The following RAPGEF2 variants were observed in gnomAD, a reference collection of about 807,000 sequenced individuals.
RAPGEF2 encodes the protein PDZ domain containing guanine nucleotide exchange factor (GEF) 1.
A neutral mutation model predicts 186.7 loss-of-function variants in RAPGEF2; 54 were observed. That is an observed-to-expected ratio of 0.29 (90% CI 0.23 to 0.36). The LOEUF (loss-of-function observed/expected upper bound fraction) is 0.36, where lower values mean the gene tolerates loss of function less well. RAPGEF2 is among the 10% of genes least tolerant of loss of function. RAPGEF2 has a pLI of 1.00. For missense variants in RAPGEF2, 1,532 were observed against 2,045.0 expected, an observed-to-expected ratio of 0.75 and a Z score of 4.84; for synonymous variants, 712 against 705.9, an observed-to-expected ratio of 1.01 and a Z score of -0.14.
At chr4:159,215,646 G>C (rs1007529140) in intron 4 of RAPGEF2, among the ~76,000 whole-genome samples, 5 of 152,324 alleles carry the variant, frequency 3.3e-5, no homozygotes, top group South Asian at 2.1e-4. Context: ...AAATAGTCAT[G>C]TGTACCATAT....
At chr4:159,250,589 G>A (rs1026938179) in intron 7 of RAPGEF2, among the ~76,000 whole-genome samples, 1 of 151,670 alleles carries the variant, frequency 6.6e-6, no homozygotes, top group Middle Eastern at 3.2e-3. Flanking sequence ...CAATGCAGAA[G>A]ACATTTGAGG....
intron 1 of RAPGEF2, among the ~76,000 whole-genome samples, chr4:159,131,540 T>TTTTTTTTTTC: frequency 6.7e-6 from 1 of 149,212 alleles, no homozygotes; most frequent in Non-Finnish European, 1.5e-5. Context: ...TTTTTTTTTT[T>TTTTTTTTTTC]TTTTTTAGCT....
intron 1 of RAPGEF2, among the ~76,000 whole-genome samples, chr4:159,139,134 T>C (rs1349696382): frequency 6.6e-6 from 1 of 152,178 alleles, no homozygotes; most frequent in Non-Finnish European, 1.5e-5. Context: ...ACACCTACCG[T>C]GTGTGTATGG....
intron 17 of RAPGEF2, among the ~76,000 whole-genome samples, chr4:159,333,876 CTTCTTT>C (rs927007808): frequency 2.6e-5 from 4 of 152,182 alleles, no homozygotes; most frequent in Non-Finnish European, 4.4e-5. Flanking sequence ...ATATCAAACA[CTTCTTT>C]TTCTTTTTTA....
chr4:159,261,197 G>A (rs1354838517), intron 7 of RAPGEF2, among the ~76,000 whole-genome samples: 4 of 152,014 alleles, frequency 2.6e-5, no homozygotes, highest in Non-Finnish European at 5.9e-5. Flanking sequence ...AAATAGCTGG[G>A]ACTACAGGCA....
chr4:159,351,054 G>T, intron 26 of RAPGEF2: 1 of 1,530,588 alleles, frequency 6.5e-7, no homozygotes, highest in Middle Eastern at 1.7e-4. Flanking sequence ...TCATCCTGTT[G>T]TTAGGTGGCA....
intron 7 of RAPGEF2, among the ~76,000 whole-genome samples, chr4:159,272,101 C>G (rs1175672586): frequency 6.6e-6 from 1 of 152,150 alleles, no homozygotes; most frequent in Admixed American, 6.5e-5. Flanking sequence ...AGTCCTGAAC[C>G]TTGCCATTTT....
chr4:159,108,466 C>T (rs867076189), intron 1 of RAPGEF2, among the ~76,000 whole-genome samples: 32 of 142,142 alleles, frequency 2.3e-4, no homozygotes, highest in African/African-American at 8.3e-4. Flanking sequence ...AAAAACAAAA[C>T]TAGTTATAAC....
At chr4:159,116,280 A>G (rs1739045433) in intron 1 of RAPGEF2, among the ~76,000 whole-genome samples, 1 of 152,244 alleles carries the variant, frequency 6.6e-6, no homozygotes, top group African/African-American at 2.4e-5. Context: ...AAGGACATGA[A>G]CAGACAATTC....
At chr4:159,263,973 A>G (rs953001784) in intron 7 of RAPGEF2, among the ~76,000 whole-genome samples, 1 of 152,146 alleles carries the variant, frequency 6.6e-6, no homozygotes, top group African/African-American at 2.4e-5. Flanking sequence ...AAGTTCTTAC[A>G]TGGTTCTTTT....
chr4:159,265,621 T>C (rs897422706), intron 7 of RAPGEF2, among the ~76,000 whole-genome samples: 1 of 152,088 alleles, frequency 6.6e-6, no homozygotes, highest in Admixed American at 6.5e-5. Context: ...TGGGAAGCCA[T>C]GGAAGTGTTT....
At chr4:159,174,381 T>G (rs1220996146) in intron 1 of RAPGEF2, among the ~76,000 whole-genome samples, 1 of 152,212 alleles carries the variant, frequency 6.6e-6, no homozygotes, top group African/African-American at 2.4e-5. Context: ...CCTTAAAATT[T>G]ATGAAGTACT....
chr4:159,272,403 C>G (rs1171176958), intron 7 of RAPGEF2, among the ~76,000 whole-genome samples: 2 of 152,120 alleles, frequency 1.3e-5, no homozygotes, highest in Non-Finnish European at 2.9e-5. Flanking sequence ...ACACTTCAGG[C>G]TCATTTTCTT....
At position 159,350,144 on chromosome 4, in the gene RAPGEF2, C is replaced by A; in HGVS notation, c.3720C>A (p.Asn1240Lys). 1 of 1,540,056 alleles carries A rather than the reference C, an allele frequency of 6.5e-7. No individual in the cohort carries two copies. The highest frequency in any genetic ancestry group is 1.4e-5 in the African/African-American group (1 of 71,396). Residue 1240 changes from asparagine (N) to lysine (K), a missense_variant, in exon 26 of 30, where the codon AAC becomes AAA. Asn to Lys is a moderately conservative substitution (Grantham distance 94). Around this residue, in one of 4 missense-constraint regions of RAPGEF2, gnomAD observed 594 missense variants for 608.5 expected, o/e 0.98. Coordinates refer to ENST00000691494, the MANE Select transcript of RAPGEF2 (RefSeq NM_001394067.2). ...TTTTTTTTTCCATTATAGGCATAAA[C>A]TCTCCACAAGCTTTAAAAAAAATTC... ...PVKDLPPFGI[N>K]SPQALKKILS...
At chr4:159,348,580 A>G (rs1205888257) in intron 25 of RAPGEF2, among the ~76,000 whole-genome samples, 2 of 152,124 alleles carry the variant, frequency 1.3e-5, no homozygotes, top group African/African-American at 4.8e-5. Context: ...GTTTCTTTAT[A>G]TATTACGTTT....
intron 19 of RAPGEF2, 91 bp downstream of exon 19, chr4:159,339,445 A>G: frequency 1.4e-6 from 2 of 1,438,986 alleles, no homozygotes; most frequent in Non-Finnish European, 1.9e-6. Flanking sequence ...AGTGTTTTTT[A>G]AATGAGTAAG....
chr4:159,305,248 A>G (rs191267846), intron 8 of RAPGEF2, among the ~76,000 whole-genome samples: 29 of 152,238 alleles, frequency 1.9e-4, no homozygotes, highest in Admixed American at 1.0e-3. Flanking sequence ...TCTTGGAGAA[A>G]TCTCCATACT....
intron 4 of RAPGEF2, chr4:159,229,636 T>A (rs780846775): frequency 1.3e-5 from 2 of 152,222 alleles, no homozygotes; most frequent in Non-Finnish European, 2.9e-5. Context: ...TTTGTCTTCA[T>A]ATTTTTGGTA....
intron 1 of RAPGEF2, among the ~76,000 whole-genome samples, chr4:159,120,311 C>T (rs1270239026): frequency 6.8e-6 from 1 of 146,134 alleles, no homozygotes; most frequent in Non-Finnish European, 1.5e-5. Flanking sequence ...TGAGCCATTG[C>T]ACCCAGCCAA....
Sources: gnomAD v4.1 joint callset for allele counts (sites outside exome capture counted in the v4.1 genomes callset) on GRCh38, gnomAD v4.1.1 for gene constraint, gnomAD v4.1.1 regional missense constraint, MANE v1.5 for transcripts, NCBI Gene and HGNC (gene_info 2026-07-23, HGNC 2026-07-21) for gene names.